The following NRXN3 variants were observed in gnomAD, a reference collection of about 807,000 sequenced individuals.
The protein encoded by NRXN3 is neurexin 3.
Under a neutral mutation model 137.6 loss-of-function variants are expected in NRXN3, and 32 were observed. The ratio of observed to expected loss-of-function variants is 0.23; its 90% CI spans 0.18 to 0.31. The LOEUF (loss-of-function observed/expected upper bound fraction) is 0.31, where lower values mean the gene tolerates loss of function less well. NRXN3 is among the 10% of genes least tolerant of loss of function. The pLI, the probability that NRXN3 is intolerant of heterozygous loss-of-function variation, is 1.00. For missense variants in NRXN3, 1,574 were observed against 2,062.5 expected (o/e 0.76, Z 4.59); for synonymous variants, 798 against 784.5 (o/e 1.02, Z -0.29).
At chr14:79,189,320 A>G in intron 15 of NRXN3, among the ~76,000 whole-genome samples, 1 of 146,200 alleles carries the variant, frequency 6.8e-6, no homozygotes, top group Non-Finnish European at 1.5e-5. Flanking sequence ...TCTCACTCAT[A>G]GGTGGTAATT....
chr14:78,283,610 G>A (rs1182227221), intron 3 of NRXN3, among the ~76,000 whole-genome samples: 2 of 152,082 alleles, frequency 1.3e-5, no homozygotes, highest in East Asian at 1.9e-4. Context: ...CCGGGTTCAA[G>A]CAATTCTTCT....
At chr14:78,926,752 TA>T (rs1407338650) in intron 10 of NRXN3, among the ~76,000 whole-genome samples, 2 of 53,244 alleles carry the variant, frequency 3.8e-5, no homozygotes, top group African/African-American at 1.4e-4. Context: ...TATTATATAT[TA>T]TATATATATT....
At chr14:78,237,650 C>G (rs2066493052) in intron 1 of NRXN3, among the ~76,000 whole-genome samples, 3 of 152,202 alleles carry the variant, frequency 2.0e-5, no homozygotes, top group Non-Finnish European at 4.4e-5. Context: ...CATCTTGAAA[C>G]TAATCACTGT....
chr14:79,359,152 A>G (rs529196533), intron 15 of NRXN3, among the ~76,000 whole-genome samples: 13 of 152,128 alleles, frequency 8.5e-5, no homozygotes, highest in Non-Finnish European at 1.8e-4. Context: ...CCACCTTCCA[A>G]GTATTTTGGT....
chr14:79,462,111 T>C (rs2096352113), intron 15 of NRXN3, among the ~76,000 whole-genome samples: 1 of 152,166 alleles, frequency 6.6e-6, no homozygotes, highest in Non-Finnish European at 1.5e-5. Flanking sequence ...TGGTGGCTCA[T>C]GCCTGTAATC....
chr14:79,715,519 G>T (rs952652477), intron 19 of NRXN3, among the ~76,000 whole-genome samples: 1 of 152,218 alleles, frequency 6.6e-6, no homozygotes, highest in African/African-American at 2.4e-5. Flanking sequence ...ATGTGAAGGT[G>T]GTGGCAGGGA....
intron 4 of NRXN3, among the ~76,000 whole-genome samples, chr14:78,628,246 T>A (rs1032581750): frequency 1.3e-5 from 2 of 152,090 alleles, no homozygotes; most frequent in African/African-American, 4.8e-5. Context: ...ATAATCTTTT[T>A]ATTTTTTGTA....
chr14:78,231,468 C>T (rs139298357), intron 1 of NRXN3: 1 of 152,390 alleles, frequency 6.6e-6, no homozygotes, highest in Non-Finnish European at 1.5e-5. Flanking sequence ...CATGCATGTC[C>T]TGATGGCTGC....
chr14:78,800,098 A>G (rs188144445), intron 8 of NRXN3, among the ~76,000 whole-genome samples: 198 of 152,318 alleles, frequency 1.3e-3, no homozygotes, highest in Admixed American at 2.2e-3. Context: ...ATATGCGTGC[A>G]CATACAAACA....
At chr14:78,821,127 T>C (rs533726997) in intron 10 of NRXN3, among the ~76,000 whole-genome samples, 7 of 152,148 alleles carry the variant, frequency 4.6e-5, no homozygotes, top group African/African-American at 1.4e-4. Context: ...AAAGGATTAA[T>C]GGGGAAAAAA....
At chr14:79,559,048 G>A (rs1194498350) in intron 16 of NRXN3, among the ~76,000 whole-genome samples, 2 of 152,228 alleles carry the variant, frequency 1.3e-5, no homozygotes, top group South Asian at 2.1e-4. Context: ...GAGAGCTAGG[G>A]CCTTGTTCTG....
intron 15 of NRXN3, among the ~76,000 whole-genome samples, chr14:79,435,464 G>T (rs899753628): frequency 2.0e-5 from 3 of 152,050 alleles, no homozygotes; most frequent in African/African-American, 7.2e-5. Flanking sequence ...CACTGGAAAA[G>T]TCAAGAATCA....
At chr14:78,518,213 G>A (rs1250050263) in intron 4 of NRXN3, among the ~76,000 whole-genome samples, 1 of 152,164 alleles carries the variant, frequency 6.6e-6, no homozygotes, top group Non-Finnish European at 1.5e-5. Flanking sequence ...AGTTCCGGTA[G>A]TATAGTACAA....
intron 15 of NRXN3, among the ~76,000 whole-genome samples, chr14:79,401,580 A>G (rs1016177359): frequency 2.6e-5 from 4 of 151,990 alleles, no homozygotes; most frequent in African/African-American, 9.7e-5. Flanking sequence ...CTTTCTAATA[A>G]TGAACTTTTC....
chr14:79,324,631 G>A (rs1044515767), intron 15 of NRXN3, among the ~76,000 whole-genome samples: 1 of 152,152 alleles, frequency 6.6e-6, no homozygotes, highest in Non-Finnish European at 1.5e-5. Context: ...AGGTAGATTT[G>A]GTCAGGCATA....
At chr14:78,740,544 CTTT>C (rs11389703) in intron 8 of NRXN3, among the ~76,000 whole-genome samples, 1 of 142,140 alleles carries the variant, frequency 7.0e-6, no homozygotes, top group Non-Finnish European at 1.5e-5. Context: ...CTTTTCTTTT[CTTT>C]TTTTTTTTTT....
At chr14:78,663,325 G>A (rs147584458) in intron 6 of NRXN3, among the ~76,000 whole-genome samples, 4,367 of 152,250 alleles carry the variant, frequency 0.029, 89 homozygotes, top group Non-Finnish European at 0.04. Context: ...ATTTAATCAG[G>A]CAAAAATGTT....
At chr14:79,745,522 C>T (rs2098977013) in intron 19 of NRXN3, among the ~76,000 whole-genome samples, 1 of 152,124 alleles carries the variant, frequency 6.6e-6, no homozygotes, top group South Asian at 2.1e-4. Context: ...CAAATCCAAA[C>T]CAGCAGCAGA....
intron 15 of NRXN3, among the ~76,000 whole-genome samples, chr14:79,138,575 G>A (rs924166159): frequency 1.3e-5 from 2 of 152,234 alleles, no homozygotes; most frequent in Non-Finnish European, 2.9e-5. Context: ...TAATCATTAT[G>A]GCCAATGCCT....
Sources: allele counts gnomAD v4.1 joint callset (sites outside exome capture counted in the v4.1 genomes callset), GRCh38; gene constraint gnomAD v4.1.1; transcripts MANE v1.5; gene names NCBI Gene and HGNC (gene_info 2026-07-23, HGNC 2026-07-21).